Variants in FBXO16 observed in about 807,000 individuals in gnomAD.
FBXO16 encodes the protein F-box protein 16.
Under a neutral mutation model 41.0 loss-of-function variants are expected in FBXO16, and 31 were observed. The ratio of observed to expected loss-of-function variants is 0.76; its 90% CI spans 0.57 to 1.02. The LOEUF (loss-of-function observed/expected upper bound fraction) is 1.02. FBXO16 is among the 50% of genes least tolerant of loss of function. FBXO16 has a pLI of 0.00. For synonymous variants in FBXO16, 133 were observed against 117.8 expected, an observed-to-expected ratio of 1.13 and a Z score of -0.84; for missense variants, 361 against 346.2, an observed-to-expected ratio of 1.04 and a Z score of -0.34.
At chr8:28,459,214 T>G (rs1420958292) in intron 4 of FBXO16, among the ~76,000 whole-genome samples, 1 of 152,208 alleles carries the variant, frequency 6.6e-6, no homozygotes, top group Non-Finnish European at 1.5e-5. Context: ...TTATTTGAAG[T>G]ATATACAAAA....
At chr8:28,480,565 G>A (rs962337886) in intron 2 of FBXO16, among the ~76,000 whole-genome samples, 2 of 151,572 alleles carry the variant, frequency 1.3e-5, no homozygotes, top group African/African-American at 4.9e-5. Flanking sequence ...GTGTAGTGGT[G>A]CAATCTTGAC....
Position 28,473,763 on chromosome 8 carries a change from A to C in FBXO16, c.135+9T>G. On this transcript the variant is annotated intron_variant, in intron 3 of 8. Coordinates refer to ENST00000380254, the MANE Select transcript of FBXO16 (RefSeq NM_172366.4). ...ACATAATGCAAAAATAGTATTTTTAAATGTTTACCCATTTGCCAAGCAGGG... is the reference window on the plus strand; with the variant it reads ...ACATAATGCAAAAATAGTATTTTTACATGTTTACCCATTTGCCAAGCAGGG... The C allele has an allele frequency of 1.9e-6, 3 of 1,596,392 alleles. No homozygotes were observed. The highest frequency in any genetic ancestry group is 2.6e-6 in the Non-Finnish European group (3 of 1,167,954).
At chr8:28,472,724 A>G (rs1254132828) in intron 3 of FBXO16, among the ~76,000 whole-genome samples, 5 of 152,170 alleles carry the variant, frequency 3.3e-5, no homozygotes, top group African/African-American at 1.2e-4. Flanking sequence ...CAGCCTGGGC[A>G]ACAAGAGCAA....
intron 2 of FBXO16, among the ~76,000 whole-genome samples, chr8:28,482,598 T>G (rs375195536): frequency 6.6e-6 from 1 of 152,058 alleles, no homozygotes; most frequent in South Asian, 2.1e-4. Flanking sequence ...TGAGACAGAG[T>G]TTCCTCTTGT....
At chr8:28,434,769 G>C (rs1323704622) in intron 7 of FBXO16, among the ~76,000 whole-genome samples, 1 of 152,206 alleles carries the variant, frequency 6.6e-6, no homozygotes, top group Non-Finnish European at 1.5e-5. Context: ...CCTTGCGGGA[G>C]GGAGCATGCG....
chr8:28,452,443 C>G lies in FBXO16; in HGVS notation c.541G>C (p.Val181Leu). 1 of 1,614,084 alleles carries G rather than the reference C, an allele frequency of 6.2e-7. No homozygotes were observed. The highest frequency in any genetic ancestry group is 8.5e-7 in the Non-Finnish European group (1 of 1,180,030). Residue 181 changes from valine (V) to leucine (L), a missense_variant, in exon 6 of 9, where the codon GTT becomes CTT. Physicochemically the swap from Val to Leu is conservative, Grantham distance 32 (BLOSUM62 1). Coordinates refer to ENST00000380254, the MANE Select transcript of FBXO16 (RefSeq NM_172366.4). ...GGAGAATTGCTTGTAACTAGTTGAA[C>G]GTCAGCGATTACAAATCCATCCTTT... ...PPKDGFVIAD[V>L]QLVTSNSPEE...
intron 1 of FBXO16, among the ~76,000 whole-genome samples, chr8:28,489,365 C>T (rs1257635428): frequency 2.6e-5 from 4 of 151,502 alleles, no homozygotes; most frequent in Admixed American, 2.0e-4. Context: ...ACACCAACAC[C>T]ACCACCACCA....
rs546960357 is a variant in FBXO16, at chr8:28,452,533, G to A, written c.508-57C>T. The A allele has an allele frequency of 8.4e-6, 13 of 1,542,550 alleles. No homozygotes were observed. The East Asian group carries it at 2.3e-4, about 27-fold the overall frequency. Reference sequence around the variant, plus strand: ...ACACTATAATACGCTGGGTGCGGTGGCTCACGCCTGTAATCCCAGCACTTT... The same window carrying A: ...ACACTATAATACGCTGGGTGCGGTGACTCACGCCTGTAATCCCAGCACTTT... On this transcript the variant is annotated intron_variant, in intron 5 of 8. Transcript: ENST00000380254.
chr8:28,432,658 A>T (rs1457757756), intron 7 of FBXO16, among the ~76,000 whole-genome samples: 2 of 152,178 alleles, frequency 1.3e-5, no homozygotes, highest in Non-Finnish European at 2.9e-5. Context: ...ACCCTTTACG[A>T]ATGTGCAGCC....
At chr8:28,442,178 T>C (rs1273643286) in intron 7 of FBXO16, among the ~76,000 whole-genome samples, 2 of 151,742 alleles carry the variant, frequency 1.3e-5, no homozygotes, top group Non-Finnish European at 2.9e-5. Flanking sequence ...GACTTCGTGA[T>C]CTGCCCTCCT....
chr8:28,428,644 T>C lies in FBXO16; in HGVS notation c.*83A>G. On this transcript the variant is annotated 3_prime_UTR_variant, in exon 9 of 9. Transcript: ENST00000380254. The stretch of plus-strand genomic sequence containing the variant: ...GAGGATGCTGCATGAGAATTTCAGC[T>C]GTGGTGGCAGTGTCTGGGAGTCCCA... 1 of 1,556,808 alleles carries C rather than the reference T, an allele frequency of 6.4e-7. No homozygotes were observed. The highest frequency in any genetic ancestry group is 8.7e-7 in the Non-Finnish European group (1 of 1,150,130).
chr8:28,444,440 C>CTA lies in FBXO16; in HGVS notation c.843+2729_843+2730dup, dbSNP rs566743431. Among the ~76,000 whole-genome samples, 303 of 149,148 alleles carry CTA rather than the reference C, an allele frequency of 2.0e-3. 1 individual carries two copies. Among genetic ancestry groups the CTA allele is most frequent in the Non-Finnish European group, 3.1e-3 (207 of 67,572 alleles). On this transcript the variant is annotated intron_variant, in intron 7 of 8. Transcript: ENST00000380254. ...GCTTCAGCCTCCAGAGTAGCTGGTA[C>CTA]TACAGGCGTGTGCCAACATGCCCGG...
chr8:28,475,009 A>G (rs1371373411), intron 2 of FBXO16, among the ~76,000 whole-genome samples: 1 of 152,214 alleles, frequency 6.6e-6, no homozygotes, highest in Non-Finnish European at 1.5e-5. Context: ...AGAGAGAGTC[A>G]TGAACATATG....
At chr8:28,447,359 G>T in intron 6 of FBXO16, 86 bp from the exon 7 acceptor site, 1 of 1,148,332 alleles carries the variant, frequency 8.7e-7, no homozygotes, top group Non-Finnish European at 1.3e-6. Flanking sequence ...GTTTGAGTTT[G>T]TTGTTCCTGT....
intron 3 of FBXO16, among the ~76,000 whole-genome samples, chr8:28,470,171 G>C (rs1803311644): frequency 6.6e-6 from 1 of 151,982 alleles, no homozygotes; most frequent in East Asian, 1.9e-4. Flanking sequence ...TCCAGCCTGG[G>C]CGACAGAGCA....
At chr8:28,444,107 C>T (rs147141308) in intron 7 of FBXO16, among the ~76,000 whole-genome samples, 91 of 152,056 alleles carry the variant, frequency 6.0e-4, no homozygotes, top group African/African-American at 2.2e-3. Flanking sequence ...GGATCCAGAC[C>T]CTTTCTGGTA....
intron 5 of FBXO16, 78 bp from the exon 6 acceptor site, chr8:28,452,554 A>G: frequency 7.1e-7 from 1 of 1,411,126 alleles, no homozygotes; most frequent in South Asian, 1.3e-5. Context: ...TAATCCCAGC[A>G]CTTTGGGAGG....
chr8:28,452,800 T>TCAAAAAA (rs1802976736), intron 5 of FBXO16, among the ~76,000 whole-genome samples: 1 of 150,512 alleles, frequency 6.6e-6, no homozygotes, highest in Non-Finnish European at 1.5e-5. Flanking sequence ...AGACTCCATC[T>TCAAAAAA]CAAAAAACAA....
chr8:28,441,980 G>A lies in FBXO16; in HGVS notation c.843+5191C>T, dbSNP rs369875138. ...TTTTTTTTTGAGACAGTCTTGCTCT[G>A]TCACCCAGGCTGGAGTGCAGTGGCG... is the stretch of plus-strand genomic sequence containing the variant. On this transcript the variant is annotated intron_variant, in intron 7 of 8. Coordinates refer to ENST00000380254, the MANE Select transcript of FBXO16 (RefSeq NM_172366.4). Among the ~76,000 whole-genome samples, 54 of 127,850 alleles carry A rather than the reference G, an allele frequency of 4.2e-4. No homozygotes were observed. The East Asian group carries it at 6.6e-3, about 16-fold the overall frequency. 83.9% of individuals were successfully genotyped at this position (127,850 alleles called of 152,430 possible).
Sources: gnomAD v4.1 joint callset for allele counts (sites outside exome capture counted in the v4.1 genomes callset) on GRCh38, gnomAD v4.1.1 for gene constraint, MANE v1.5 for transcripts, NCBI Gene and HGNC (gene_info 2026-07-23, HGNC 2026-07-21) for gene names.